The following ABL1 variants were observed in gnomAD, a reference collection of about 807,000 sequenced individuals.
ABL1 encodes the protein tyrosine-protein kinase ABL1.
ABL1 carries 11 observed loss-of-function variants against 94.7 expected under a neutral mutation model. The ratio of observed to expected loss-of-function variants is 0.12; its 90% CI spans 0.07 to 0.19. The LOEUF (loss-of-function observed/expected upper bound fraction) is 0.19. Among genes scored for constraint, ABL1 ranks in the 10% least tolerant of loss-of-function variants. The pLI, the probability that ABL1 is intolerant of heterozygous loss-of-function variation, is 1.00. For synonymous variants in ABL1, 656 were observed against 622.4 expected, an observed-to-expected ratio of 1.05 and a Z score of -0.80; for missense variants, 1,082 against 1,489.4, an observed-to-expected ratio of 0.73 and a Z score of 4.50.
intron 1 of ABL1, among the ~76,000 whole-genome samples, chr9:130,796,099 G>A (rs1253449933): frequency 6.6e-6 from 1 of 152,130 alleles, no homozygotes; most frequent in Non-Finnish European, 1.5e-5. Flanking sequence ...CTTGAACCTG[G>A]GAGGTAGAGG....
exon 1 of ABL1, chr9:130,713,796 C>CT (rs1564264931): frequency 1.4e-5 from 3 of 211,846 alleles, no homozygotes; most frequent in Non-Finnish European, 2.9e-5. Flanking sequence ...GACCCGTGTC[C>CT]TTTTCCGGAG....
At chr9:130,724,117 A>C (rs1438075711) in intron 1 of ABL1, among the ~76,000 whole-genome samples, 4 of 151,496 alleles carry the variant, frequency 2.6e-5, no homozygotes, top group African/African-American at 9.7e-5. Context: ...GCCTTTTAAA[A>C]AAATTTTTAA....
chr9:130,873,728 G>A (rs1048241939), intron 6 of ABL1, among the ~76,000 whole-genome samples: 3 of 152,296 alleles, frequency 2.0e-5, no homozygotes, highest in South Asian at 4.1e-4. Context: ...CCAGCAAAGC[G>A]ACGGCCTGTG....
At chr9:130,753,422 C>CTTTTTTTTTTTTTTTTTTTT (rs71389347) in intron 1 of ABL1, among the ~76,000 whole-genome samples, 22 of 90,332 alleles carry the variant, frequency 2.4e-4, no homozygotes, top group East Asian at 4.1e-4. Flanking sequence ...TTTTTCTTTT[C>CTTTTTTTTTTTTTTTTTTTT]TTTTTTTTTT....
Position 130,885,043 on chromosome 9 carries a change from C to T in ABL1, c.2753C>T (p.Pro918Leu), listed in dbSNP as rs372727500. 15 of 1,610,248 alleles carry T rather than the reference C, an allele frequency of 9.3e-6. No individual in the cohort carries two copies. Among genetic ancestry groups the T allele is most frequent in the Admixed American group, 1.7e-5 (1 of 59,774 alleles). Residue 918 changes from proline to leucine, a missense_variant, in exon 11 of 11, where the codon CCG (proline) becomes CTG (leucine). By Grantham distance (98) the Pro-to-Leu change is moderately conservative. Coordinates refer to ENST00000318560, the MANE Select transcript of ABL1 (RefSeq NM_005157.6). ...GCTGGAGGAAAGCCCTCGCAGAGCC[C>T]GAGCCAGGAGGCGGCCGGGGAGGCA... is the stretch of plus-strand genomic sequence containing the variant. ...GKAGGKPSQSPSQEAAGEAVL... is the reference protein window; with the variant it reads ...GKAGGKPSQSLSQEAAGEAVL...
rs189201879 is a variant in ABL1, at chr9:130,734,507, G to A, written c.136+20052G>A. Among the ~76,000 whole-genome samples the A allele has an allele frequency of 8.9e-3, 1,290 of 145,302 alleles. 24 individuals carry two copies. The highest frequency in any genetic ancestry group is 0.031 in the African/African-American group (1,209 of 39,310). ...TGGGATTACAGGTGTGAGCCACTGC[G>A]CCTGGCCTGAATCTTCTTTTTTTTT... On this transcript the variant is annotated intron_variant, in intron 1 of 10. Coordinates refer to the ABL1 transcript ENST00000372348.
chr9:130,883,038 A>T, intron 10 of ABL1, among the ~76,000 whole-genome samples: 1 of 152,138 alleles, frequency 6.6e-6, no homozygotes, highest in Non-Finnish European at 1.5e-5. Context: ...GTCTGGGCTC[A>T]GACAGGCCTG....
chr9:130,861,827 G>A (rs1273964349), intron 3 of ABL1, among the ~76,000 whole-genome samples: 4 of 152,192 alleles, frequency 2.6e-5, no homozygotes, highest in Non-Finnish European at 5.9e-5. Context: ...ATGTGGAATT[G>A]TTTTTGGTAA....
intron 1 of ABL1, among the ~76,000 whole-genome samples, chr9:130,853,376 G>C (rs1036792343): frequency 6.7e-6 from 1 of 149,178 alleles, no homozygotes; most frequent in Admixed American, 6.7e-5. Context: ...GGATTTCACT[G>C]TGTTGGTCAG....
rs11392337 is a variant in ABL1 at position 130,875,152 on chromosome 9, G to GT, written c.1270+107dup. On this transcript the variant is annotated intron_variant, in intron 7 of 10. Transcript: ENST00000318560. Reference sequence around the variant, plus strand: ...CCCTTTCTTTTCTTCCTTTCTTTTTGTTTTTTTGAGACGGAGTCTCACTCT... The same window carrying GT: ...CCCTTTCTTTTCTTCCTTTCTTTTTGTTTTTTTTGAGACGGAGTCTCACTCT... 5,783 of 1,333,024 alleles carry GT rather than the reference G, an allele frequency of 4.3e-3. 223 individuals carry two copies. In the African/African-American group the frequency reaches 0.076, roughly 17 times the overall value. 82.6% of individuals were successfully genotyped at this position (1,333,024 alleles called of 1,614,324 possible).
intron 1 of ABL1, among the ~76,000 whole-genome samples, chr9:130,754,071 G>A (rs1049566695): frequency 2.0e-5 from 3 of 151,380 alleles, no homozygotes; most frequent in African/African-American, 7.3e-5. Context: ...GCTGGGGGTA[G>A]TGGCGTTGCC....
Position 130,853,980 on chromosome 9 carries a change from T to C in ABL1, c.80-84T>C, listed in dbSNP as rs1830931053. On this transcript the variant is annotated intron_variant, in intron 1 of 10. Coordinates refer to ENST00000318560, the MANE Select transcript of ABL1 (RefSeq NM_005157.6). ...ATGTGTAATGTTGGAAACACAAATATTTTTGCTTCTGAGAATAAAACTAAT... is the reference window on the plus strand; with the variant it reads ...ATGTGTAATGTTGGAAACACAAATACTTTTGCTTCTGAGAATAAAACTAAT... 6 of 1,378,290 alleles carry C rather than the reference T, an allele frequency of 4.4e-6. No individual in the cohort carries two copies. In the Admixed American group the frequency reaches 1.4e-4, roughly 31 times the overall value. 85.4% of individuals were successfully genotyped at this position (1,378,290 alleles called of 1,614,324 possible).
chr9:130,847,384 G>T (rs1458958355), intron 1 of ABL1, among the ~76,000 whole-genome samples: 12 of 151,096 alleles, frequency 7.9e-5, no homozygotes, highest in African/African-American at 2.7e-4. Flanking sequence ...TTTTTTTTTT[G>T]AATGAAGCCT....
At chr9:130,763,272 C>T (rs10901280) in intron 1 of ABL1, among the ~76,000 whole-genome samples, 32,287 of 151,574 alleles carry the variant, frequency 0.21, 4,407 homozygotes, top group East Asian at 0.49. Context: ...TTAAATTTAG[C>T]AAAGTAAAGA....
At chr9:130,754,507 CAAAAAAAAA>C (rs34396002) in intron 1 of ABL1, among the ~76,000 whole-genome samples, 3 of 78,874 alleles carry the variant, frequency 3.8e-5, no homozygotes, top group Non-Finnish European at 7.3e-5. Context: ...GACTCCGTCT[CAAAAAAAAA>C]AAAAAAAAAA....
At chr9:130,853,025 G>A (rs1022467836) in intron 1 of ABL1, among the ~76,000 whole-genome samples, 8 of 152,056 alleles carry the variant, frequency 5.3e-5, no homozygotes, top group Non-Finnish European at 1.0e-4. Context: ...CGTCTGTTAC[G>A]GAGAATAGGA....
intron 1 of ABL1, among the ~76,000 whole-genome samples, chr9:130,819,120 G>A (rs1019800972): frequency 1.3e-5 from 2 of 152,166 alleles, no homozygotes; most frequent in Non-Finnish European, 2.9e-5. Context: ...TTGGGAGGCC[G>A]AGGCGGTTAG....
chr9:130,756,615 A>T (rs184504289), intron 1 of ABL1, among the ~76,000 whole-genome samples: 1 of 152,162 alleles, frequency 6.6e-6, no homozygotes, highest in African/African-American at 2.4e-5. Context: ...TTTTGCCAAA[A>T]AAGAGAAGTT....
At chr9:130,791,485 G>T (rs899442079) in intron 1 of ABL1, among the ~76,000 whole-genome samples, 2 of 152,104 alleles carry the variant, frequency 1.3e-5, no homozygotes, top group African/African-American at 4.8e-5. Context: ...TTTGAGCTGG[G>T]GGACTAGGAG....
Sources: gnomAD v4.1 joint callset for allele counts (sites outside exome capture counted in the v4.1 genomes callset) on GRCh38, gnomAD v4.1.1 for gene constraint, MANE v1.5 for transcripts, NCBI Gene and HGNC (gene_info 2026-07-23, HGNC 2026-07-21) for gene names.